The following SLC35F2 variants were observed in gnomAD, a reference collection of about 807,000 sequenced individuals.
SLC35F2 encodes the protein queuine/queuosine transporter SLC35F2.
Under a neutral mutation model 38.1 loss-of-function variants are expected in SLC35F2, and 25 were observed. The observed-to-expected ratio is 0.66, with a 90% CI of 0.48 to 0.92. The LOEUF (loss-of-function observed/expected upper bound fraction) is 0.92, where lower values mean the gene tolerates loss of function less well. SLC35F2 is among the 40% of genes least tolerant of loss of function. The pLI is 0.00. For missense variants in SLC35F2, 409 were observed against 452.9 expected (o/e 0.90, Z 0.88); for synonymous variants, 173 against 181.7 (o/e 0.95, Z 0.38).
chr11:107,838,922 C>A (rs180983025), intron 1 of SLC35F2, among the ~76,000 whole-genome samples: 1 of 152,270 alleles, frequency 6.6e-6, no homozygotes, highest in Non-Finnish European at 1.5e-5. Flanking sequence ...AGCCACCACA[C>A]CTGGCCGATA....
intron 1 of SLC35F2, among the ~76,000 whole-genome samples, chr11:107,822,289 T>G (rs574443424): frequency 6.6e-6 from 1 of 152,316 alleles, no homozygotes; most frequent in African/African-American, 2.4e-5. Context: ...TTTACTTCAC[T>G]CCTTCTTTCT....
intron 2 of SLC35F2, 137 bp downstream of exon 2, chr11:107,815,653 T>C (rs1859560411): frequency 2.0e-6 from 2 of 993,028 alleles, no homozygotes; most frequent in South Asian, 3.5e-5. Flanking sequence ...TGGTGCTACT[T>C]ACTTTAATCA....
rs1860073691 is a variant in SLC35F2 at position 107,844,636 on chromosome 11, A to G, written c.110+14022T>C. Among the ~76,000 whole-genome samples the G allele has an allele frequency of 2.8e-5, 4 of 141,270 alleles. No homozygotes were observed. The South Asian group carries it at 1.0e-3, about 35-fold the overall frequency. The allele number at this position is 141,270 out of a possible 152,430, so 92.7% of individuals were successfully genotyped here. ...GACTCCTTCTCCAATAAATAAATAA[A>G]TAAATAAATAAATAAATAAATAAAT... On this transcript the variant is annotated intron_variant, in intron 1 of 7. Coordinates refer to ENST00000525815, the MANE Select transcript of SLC35F2 (RefSeq NM_017515.5).
Position 107,805,506 on chromosome 11 carries a change from A to ACAT in SLC35F2, c.581_583dup (p.Asp194dup). ...AAGGACCAAGATGTCACCAATCAAT[A>ACAT]CATCACTCCCTGCAGGAAGACAAGC... On this transcript the variant is annotated inframe_insertion, in exon 5 of 8. Transcript: ENST00000525815. 6.2e-7 allele frequency: 1 copy of ACAT among 1,612,646 alleles called. No individual in the cohort carries two copies. Among genetic ancestry groups the ACAT allele is most frequent in the Non-Finnish European group, 8.5e-7 (1 of 1,179,616 alleles).
At chr11:107,847,530 T>C (rs186551367) in intron 1 of SLC35F2, among the ~76,000 whole-genome samples, 246 of 152,324 alleles carry the variant, frequency 1.6e-3, no homozygotes, top group Middle Eastern at 6.8e-3. Flanking sequence ...ATTGCTACCA[T>C]TTCAGATCTG....
intron 7 of SLC35F2, among the ~76,000 whole-genome samples, chr11:107,800,903 C>T (rs1041701790): frequency 5.5e-5 from 7 of 126,178 alleles, no homozygotes; most frequent in East Asian, 2.5e-4. Context: ...GCTATTACTA[C>T]TTTTTTTTTT....
chr11:107,834,136 C>A (rs191748200), intron 1 of SLC35F2, among the ~76,000 whole-genome samples: 4 of 152,154 alleles, frequency 2.6e-5, no homozygotes, highest in African/African-American at 9.6e-5. Context: ...TAACTCCTTG[C>A]GGAAGGGGAT....
Position 107,811,701 on chromosome 11 carries a change from C to G in SLC35F2, c.380G>C (p.Arg127Thr). 1 of 1,614,052 alleles carries G rather than the reference C, an allele frequency of 6.2e-7. No homozygotes were observed. The highest frequency in any genetic ancestry group is 2.2e-5 in the East Asian group (1 of 44,870). The change falls in exon 3 of 8, where the codon AGA becomes ACA. Residue 127 changes from arginine to threonine, a missense_variant. By Grantham distance (71) the Arg-to-Thr change is moderately conservative (BLOSUM62 -1). Coordinates refer to ENST00000525815, the MANE Select transcript of SLC35F2 (RefSeq NM_017515.5). The stretch of plus-strand genomic sequence containing the variant: ...GGTTAGAGTTGTGTACTGGTAGGCT[C>G]TGACGATCACATAATTAGCTTCCAC... ...ADVEANYVIV[R>T]AYQYTTLTSV...
chr11:107,797,378 CAGAGAG>C (rs144974847), intron 7 of SLC35F2, among the ~76,000 whole-genome samples: 1 of 151,640 alleles, frequency 6.6e-6, no homozygotes, highest in South Asian at 2.1e-4. Flanking sequence ...AGGAGTGAGA[CAGAGAG>C]AGAAGAAAAA....
At chr11:107,807,445 T>C (rs73545002) in intron 3 of SLC35F2, among the ~76,000 whole-genome samples, 22,878 of 151,846 alleles carry the variant, frequency 0.15, 2,802 homozygotes, top group East Asian at 0.43. Context: ...AGAGACCCTG[T>C]CTCAAAATAA....
At chr11:107,840,582 CA>C (rs1025924532) in intron 1 of SLC35F2, 3 of 152,202 alleles carry the variant, frequency 2.0e-5, no homozygotes, top group South Asian at 4.1e-4. Context: ...CTAAATTGTC[CA>C]ATGCAATCCT....
Position 107,803,160 on chromosome 11 carries a change from G to A in SLC35F2, c.785-5C>T. On this transcript the variant is annotated splice_polypyrimidine_tract_variant and splice_region_variant and intron_variant, in intron 6 of 7. Transcript: ENST00000525815. Reference sequence around the variant, plus strand: ...CAAATGCCACGAACAGCAGGGCTGTGGAAAAAAACATGGAATATCTAATAT... The same window carrying A: ...CAAATGCCACGAACAGCAGGGCTGTAGAAAAAAACATGGAATATCTAATAT... 6.3e-7 allele frequency: 1 copy of A among 1,587,730 alleles called. No individual in the cohort carries two copies. Among genetic ancestry groups the A allele is most frequent in the South Asian group, 1.2e-5 (1 of 86,194 alleles).
chr11:107,858,362 A>C, intron 1 of SLC35F2: 3 of 236,818 alleles, frequency 1.3e-5, no homozygotes, highest in African/African-American at 2.3e-5. Flanking sequence ...CCACCGCGGA[A>C]CGCCCCAGAG....
rs1831295473 is a variant in SLC35F2 at position 107,792,532 on chromosome 11, TCTG to T, written c.*80_*82del. 3 of 1,459,504 alleles carry T rather than the reference TCTG, an allele frequency of 2.1e-6. No individual in the cohort carries two copies. Among genetic ancestry groups the T allele is most frequent in the Admixed American group, 2.3e-5 (1 of 43,338 alleles). 90.4% of individuals were successfully genotyped at this position (1,459,504 alleles called of 1,614,324 possible). On this transcript the variant is annotated 3_prime_UTR_variant, in exon 8 of 8. Transcript: ENST00000525815. ...AGGGTTGTAGAGTGTCCATTCTGAG[TCTG>T]CTATTTCCCCAAGTGTCCCCTCAGC...
rs1478493793 is a variant in SLC35F2 at position 107,858,471 on chromosome 11, C to T, written c.110+187G>A. On this transcript the variant is annotated intron_variant, in intron 1 of 7. Coordinates refer to ENST00000525815, the MANE Select transcript of SLC35F2 (RefSeq NM_017515.5). ...GGAGCCGAGGGAGACGCACCAAGTG[C>T]TTCCCGACGCCAGGTGAAGCGCACC... is the stretch of plus-strand genomic sequence containing the variant. 8 of 456,716 alleles carry T rather than the reference C, an allele frequency of 1.8e-5. No homozygotes were observed. In the East Asian group the frequency reaches 2.9e-4, roughly 16 times the overall value. The allele number at this position is 456,716 out of a possible 1,614,324, so 28.3% of individuals were successfully genotyped here. A position where few individuals can be genotyped will look rare whatever the true frequency, so the allele number is the denominator to read the frequency against.
rs1041673064 is a variant in SLC35F2 at position 107,792,755 on chromosome 11, A to G, written c.985T>C (p.Phe329Leu). The change falls in exon 8 of 8, where the codon TTT becomes CTT. Residue 329 changes from phenylalanine to leucine, a missense_variant. Physicochemically the swap from Phe to Leu is conservative, Grantham distance 22. Transcript: ENST00000525815. ...ILSFTVIMVG[F>L]ILYCSTPTRT... is the part of the protein sequence containing the mutation. Reference sequence around the variant, plus strand: ...GTAGGGGTGGAGCAGTACAGGATAAACCCCACCATGATGACAGTGAAGGAC... The same window carrying G: ...GTAGGGGTGGAGCAGTACAGGATAAGCCCCACCATGATGACAGTGAAGGAC... The G allele has an allele frequency of 6.2e-7, 1 of 1,607,016 alleles. No homozygotes were observed. The highest frequency in any genetic ancestry group is 2.3e-5 in the East Asian group (1 of 44,398).
chr11:107,805,311 T>C (rs1405530353), intron 5 of SLC35F2, 48 bp downstream of exon 5: 4 of 1,540,390 alleles, frequency 2.6e-6, no homozygotes, highest in South Asian at 1.3e-5. Context: ...TTATCATCTA[T>C]AATATATTTG....
chr11:107,798,842 G>A (rs1859261691), intron 7 of SLC35F2, among the ~76,000 whole-genome samples: 1 of 152,220 alleles, frequency 6.6e-6, no homozygotes, highest in Non-Finnish European at 1.5e-5. Context: ...TTGGGAGGCA[G>A]AGGCAAGCGG....
At chr11:107,842,659 A>G (rs893064348) in intron 1 of SLC35F2, among the ~76,000 whole-genome samples, 1 of 152,180 alleles carries the variant, frequency 6.6e-6, no homozygotes, top group Non-Finnish European at 1.5e-5. Flanking sequence ...AGCTGGGACT[A>G]CAGGTGTGTA....
Sources: allele counts gnomAD v4.1 joint callset (sites outside exome capture counted in the v4.1 genomes callset), GRCh38; gene constraint gnomAD v4.1.1; transcripts MANE v1.5; gene names NCBI Gene and HGNC (gene_info 2026-07-23, HGNC 2026-07-21).